RBFOX1: variants seen among roughly 807,000 people sequenced by gnomAD.
The protein encoded by RBFOX1 is RNA binding fox-1 homolog 1.
Under a neutral mutation model 57.7 loss-of-function variants are expected in RBFOX1, and 8 were observed. That is an observed-to-expected ratio of 0.14 (90% CI 0.08 to 0.25). The LOEUF (loss-of-function observed/expected upper bound fraction) is 0.25, where lower values mean the gene tolerates loss of function less well. Among genes scored for constraint, RBFOX1 ranks in the 10% least tolerant of loss-of-function variants. The pLI, the probability that RBFOX1 is intolerant of heterozygous loss-of-function variation, is 1.00. For missense variants in RBFOX1, 611 were observed against 548.5 expected (o/e 1.11, Z -1.14); for synonymous variants, 326 against 222.4 (o/e 1.47, Z -4.15).
At chr16:7,530,517 A>G (rs1427482154) in intron 5 of RBFOX1, among the ~76,000 whole-genome samples, 1 of 151,766 alleles carries the variant, frequency 6.6e-6, no homozygotes, top group Admixed American at 6.6e-5. Context: ...AAAAAAAAAA[A>G]AGTCTTCATT....
rs2067778259 is a variant in RBFOX1 at position 7,494,003 on chromosome 16, C to T, written c.28-24144C>T. Among the ~76,000 whole-genome samples the T allele has an allele frequency of 1.3e-5, 2 of 152,050 alleles. 1 individual carries two copies. Among genetic ancestry groups the T allele is most frequent in the South Asian group, 4.1e-4 (2 of 4,824 alleles). On this transcript the variant is annotated intron_variant, in intron 4 of 15. Coordinates refer to ENST00000550418, the MANE Select transcript of RBFOX1 (RefSeq NM_018723.4). ...AGAACCACACTGATAAGCAATGGCA[C>T]CTTTTATTTTTTGAGATTTTCTTAT...
chr16:5,433,733 C>T (rs1293374702), intron 1 of RBFOX1, among the ~76,000 whole-genome samples: 5 of 152,182 alleles, frequency 3.3e-5, no homozygotes, highest in African/African-American at 1.2e-4. Flanking sequence ...CCTTTCCTCC[C>T]CTCCCTGCTC....
intron 4 of RBFOX1, among the ~76,000 whole-genome samples, chr16:7,490,575 A>T (rs2066664929): frequency 6.6e-6 from 1 of 152,242 alleles, no homozygotes; most frequent in Non-Finnish European, 1.5e-5. Context: ...AATAAATTCA[A>T]CTGTGACTTG....
chr16:6,796,969 C>A (rs2084208755), intron 3 of RBFOX1, among the ~76,000 whole-genome samples: 1 of 152,134 alleles, frequency 6.6e-6, no homozygotes, highest in Admixed American at 6.5e-5. Context: ...GGAAACAGGG[C>A]ATTCCTTAGT....
chr16:7,531,815 A>G (rs1007989082), intron 5 of RBFOX1, among the ~76,000 whole-genome samples: 1 of 152,094 alleles, frequency 6.6e-6, no homozygotes, highest in Non-Finnish European at 1.5e-5. Context: ...TTACAGGCAA[A>G]TATCTTAACA....
intron 1 of RBFOX1, among the ~76,000 whole-genome samples, chr16:6,146,168 G>C (rs952728653): frequency 6.6e-6 from 1 of 152,162 alleles, no homozygotes; most frequent in African/African-American, 2.4e-5. Context: ...GAATTCCCAT[G>C]GGTCTGGTGC....
chr16:6,263,184 C>G (rs931754340), intron 1 of RBFOX1, among the ~76,000 whole-genome samples: 4 of 152,176 alleles, frequency 2.6e-5, no homozygotes, highest in Non-Finnish European at 4.4e-5. Context: ...TCTTATGGTT[C>G]TGCTCAATAT....
chr16:5,298,077 C>T (rs188450304), intron 1 of RBFOX1, among the ~76,000 whole-genome samples: 14 of 152,036 alleles, frequency 9.2e-5, no homozygotes, highest in South Asian at 2.1e-4. Flanking sequence ...TGGGAAGAAA[C>T]GTATTTAAGT....
intron 2 of RBFOX1, among the ~76,000 whole-genome samples, chr16:6,534,453 A>C (rs1052286371): frequency 6.6e-6 from 1 of 152,112 alleles, no homozygotes; most frequent in African/African-American, 2.4e-5. Flanking sequence ...TTCTACCCAA[A>C]GACTTCATAT....
chr16:6,537,207 C>T (rs75383527), intron 2 of RBFOX1, among the ~76,000 whole-genome samples: 4,413 of 152,138 alleles, frequency 0.029, 233 homozygotes, highest in African/African-American at 0.095. Flanking sequence ...GCCTGAGATT[C>T]GGCACTTCTA....
chr16:7,502,882 G>A (rs943263149), intron 4 of RBFOX1, among the ~76,000 whole-genome samples: 2 of 152,040 alleles, frequency 1.3e-5, no homozygotes, highest in Non-Finnish European at 2.9e-5. Context: ...AATTAGCCAA[G>A]TGTGGTGGCA....
At chr16:6,433,929 C>G (rs2094166939) in intron 2 of RBFOX1, among the ~76,000 whole-genome samples, 1 of 150,430 alleles carries the variant, frequency 6.6e-6, no homozygotes, top group African/African-American at 2.5e-5. Flanking sequence ...CTCACCGTAA[C>G]CTCCACCTCC....
At position 5,690,278 on chromosome 16, in the gene RBFOX1, A is replaced by G. The variant is rs1596771527; in HGVS notation, c.318+91317A>G. Among the ~76,000 whole-genome samples the G allele has an allele frequency of 2.0e-5, 3 of 152,334 alleles. No individual in the cohort carries two copies. The South Asian group carries it at 6.2e-4, about 32-fold the overall frequency. On this transcript the variant is annotated intron_variant, in intron 3 of 19. Coordinates refer to the RBFOX1 transcript ENST00000641259. ...CATCACAGTGTCATCAATGCCAACA[A>G]AGTGCTTCTGTATGATGGATTGCAT...
chr16:6,163,948 G>A lies in RBFOX1; in HGVS notation c.-127+143956G>A, dbSNP rs117398498. Among the ~76,000 whole-genome samples the A allele has an allele frequency of 7.7e-3, 1,167 of 152,266 alleles. 10 individuals are homozygous for A. The highest frequency in any genetic ancestry group is 0.017 in the Middle Eastern group (5 of 294). ...TGAGGTTTACAATGTGATGTTATGG[G>A]ATACATATAGTAAGGTGGTTATAAT... On this transcript the variant is annotated intron_variant, in intron 1 of 15. Transcript: ENST00000550418.
chr16:6,154,246 G>T (rs1414893321), intron 1 of RBFOX1, among the ~76,000 whole-genome samples: 1 of 152,166 alleles, frequency 6.6e-6, no homozygotes, highest in Non-Finnish European at 1.5e-5. Flanking sequence ...TTATCAGGTT[G>T]GTACAAAAGT....
intron 1 of RBFOX1, among the ~76,000 whole-genome samples, chr16:5,448,109 C>G (rs912207506): frequency 1.3e-5 from 2 of 152,154 alleles, no homozygotes; most frequent in Non-Finnish European, 2.9e-5. Flanking sequence ...CTTTTGACAT[C>G]CTGTTCTTAA....
intron 4 of RBFOX1, among the ~76,000 whole-genome samples, chr16:5,911,648 G>T (rs2058604797): frequency 6.6e-6 from 1 of 152,258 alleles, no homozygotes; most frequent in Admixed American, 6.5e-5. Context: ...CCATGAACAG[G>T]GCCACTTCTA....
chr16:7,221,330 T>A (rs1021079377), intron 4 of RBFOX1, among the ~76,000 whole-genome samples: 1 of 124,252 alleles, frequency 8.0e-6, no homozygotes, highest in Admixed American at 9.6e-5. Flanking sequence ...TTGTTTATTC[T>A]TTATTTTTAT....
At position 7,301,373 on chromosome 16, in the gene RBFOX1, A is replaced by T. The variant is rs551597267; in HGVS notation, c.28-216774A>T. ...ATCCAGAGAGCAGAGCCCGACTCCA[A>T]ATAATTTTGATGTGGATTTAGGTCT... On this transcript the variant is annotated intron_variant, in intron 4 of 15. Coordinates refer to ENST00000550418, the MANE Select transcript of RBFOX1 (RefSeq NM_018723.4). Among the ~76,000 whole-genome samples, 198 of 152,282 alleles carry T rather than the reference A, an allele frequency of 1.3e-3. 1 individual carries two copies. The highest frequency in any genetic ancestry group is 6.8e-3 in the Middle Eastern group (2 of 294).
Sources: gnomAD v4.1 joint callset for allele counts (sites outside exome capture counted in the v4.1 genomes callset) on GRCh38, gnomAD v4.1.1 for gene constraint, MANE v1.5 for transcripts, NCBI Gene and HGNC (gene_info 2026-07-23, HGNC 2026-07-21) for gene names.